The following RALGPS2 variants were observed in gnomAD, a reference collection of about 807,000 sequenced individuals.
RALGPS2 encodes Ral GEF with PH domain and SH3 binding motif 2.
A neutral mutation model predicts 86.8 loss-of-function variants in RALGPS2; 43 were observed. That is an observed-to-expected ratio of 0.50 (90% CI 0.39 to 0.64). The LOEUF (loss-of-function observed/expected upper bound fraction) is 0.64, where lower values mean the gene tolerates loss of function less well. Among genes scored for constraint, RALGPS2 ranks in the 30% least tolerant of loss-of-function variants. RALGPS2 has a pLI of 0.00. For missense variants in RALGPS2, 536 were observed against 694.6 expected (o/e 0.77, Z 2.57); for synonymous variants, 243 against 231.3 (o/e 1.05, Z -0.46).
chr1:178,792,143 G>GT (rs1653984543), intron 4 of RALGPS2, among the ~76,000 whole-genome samples: 1 of 152,070 alleles, frequency 6.6e-6, no homozygotes, highest in African/African-American at 2.4e-5. Flanking sequence ...TTATTTTCTA[G>GT]TTTTTTGTGT....
chr1:178,750,157 A>G (rs963127273), intron 1 of RALGPS2, among the ~76,000 whole-genome samples: 1 of 152,120 alleles, frequency 6.6e-6, no homozygotes, highest in African/African-American at 2.4e-5. Flanking sequence ...GAATCTATCC[A>G]TTTTTGTTCT....
intron 13 of RALGPS2, among the ~76,000 whole-genome samples, chr1:178,888,639 G>A (rs985659462): frequency 1.3e-5 from 2 of 152,092 alleles, no homozygotes; most frequent in Non-Finnish European, 2.9e-5. Context: ...CCACCACCAC[G>A]GGTTACCTCT....
At chr1:178,786,613 C>T (rs1653665046) in intron 4 of RALGPS2, among the ~76,000 whole-genome samples, 2 of 151,246 alleles carry the variant, frequency 1.3e-5, no homozygotes, top group South Asian at 4.2e-4. Flanking sequence ...TGGTACACAA[C>T]TAAGTGGTGG....
chr1:178,765,017 G>A (rs1243064703), intron 1 of RALGPS2, among the ~76,000 whole-genome samples: 1 of 152,108 alleles, frequency 6.6e-6, no homozygotes, highest in African/African-American at 2.4e-5. Context: ...CTGGCCATGT[G>A]AAGATATGCT....
At chr1:178,815,415 A>G (rs1655178415) in intron 6 of RALGPS2, among the ~76,000 whole-genome samples, 1 of 152,066 alleles carries the variant, frequency 6.6e-6, no homozygotes, top group South Asian at 2.1e-4. Flanking sequence ...GGAGTTCTTT[A>G]TATAACTCTA....
At chr1:178,741,913 G>A (rs1245253495) in intron 1 of RALGPS2, among the ~76,000 whole-genome samples, 1 of 152,064 alleles carries the variant, frequency 6.6e-6, no homozygotes, top group Non-Finnish European at 1.5e-5. Flanking sequence ...CGAGGCGGGA[G>A]GATCATGAGG....
intron 1 of RALGPS2, chr1:178,747,200 C>A (rs531748369): frequency 8.1e-7 from 1 of 1,241,702 alleles, no homozygotes; most frequent in Middle Eastern, 1.9e-4. Context: ...GCCTGCACTA[C>A]GGTGGATCAC....
intron 1 of RALGPS2, among the ~76,000 whole-genome samples, chr1:178,773,905 T>C (rs951568358): frequency 1.3e-5 from 2 of 152,248 alleles, no homozygotes; most frequent in African/African-American, 4.8e-5. Context: ...GATTTTAATG[T>C]GACCTTAATT....
chr1:178,786,667 A>C (rs954932426), intron 4 of RALGPS2, among the ~76,000 whole-genome samples: 2 of 151,652 alleles, frequency 1.3e-5, no homozygotes, highest in Admixed American at 1.3e-4. Context: ...TTAACCTCTC[A>C]TCTAGTATAT....
At chr1:178,731,324 C>G (rs572143342) in intron 1 of RALGPS2, among the ~76,000 whole-genome samples, 1 of 125,876 alleles carries the variant, frequency 7.9e-6, no homozygotes, top group African/African-American at 3.0e-5. Context: ...CCTCTGTCCC[C>G]CAGGCTGGAG....
In RALGPS2 at chr1:178,852,577, A is replaced by T. The variant is rs905680530; in HGVS notation, c.607+19027A>T. 10 of 1,284,042 alleles carry T rather than the reference A, an allele frequency of 7.8e-6. No individual in the cohort carries two copies. In the African/African-American group the frequency reaches 1.5e-4, roughly 19 times the overall value. The allele number at this position is 1,284,042 out of a possible 1,614,324, so 79.5% of individuals were successfully genotyped here. On this transcript the variant is annotated intron_variant, in intron 8 of 19. Coordinates refer to ENST00000367635, the MANE Select transcript of RALGPS2 (RefSeq NM_152663.5). The stretch of plus-strand genomic sequence containing the variant: ...GGTTGTATTTCCTGCCACAGTGACC[A>T]AAACTGACCTTTTTGAAAAGACTTT...
At chr1:178,787,420 G>A (rs4652325) in intron 4 of RALGPS2, among the ~76,000 whole-genome samples, 36,251 of 152,034 alleles carry the variant, frequency 0.24, 5,047 homozygotes, top group Non-Finnish European at 0.32. Context: ...AAATATTATC[G>A]TTTCAACTTG....
At position 178,784,412 on chromosome 1, in the gene RALGPS2, T is replaced by C; in HGVS notation, c.58-6T>C. The C allele has an allele frequency of 6.3e-7, 1 of 1,592,894 alleles. No individual in the cohort carries two copies. Among genetic ancestry groups the C allele is most frequent in the Non-Finnish European group, 8.6e-7 (1 of 1,166,404 alleles). On this transcript the variant is annotated splice_region_variant and splice_polypyrimidine_tract_variant and intron_variant, in intron 2 of 19. Coordinates refer to ENST00000367635, the MANE Select transcript of RALGPS2 (RefSeq NM_152663.5). ...TAAAAGGCTGCATTTTCTTTCACTT[T>C]AACAGAAAAGTAGCAGCTCTGAATC...
intron 7 of RALGPS2, among the ~76,000 whole-genome samples, chr1:178,826,683 G>A (rs1044882453): frequency 6.6e-6 from 1 of 152,062 alleles, no homozygotes; most frequent in Admixed American, 6.6e-5. Context: ...TGTATGTTAC[G>A]TATATATTTT....
intron 6 of RALGPS2, among the ~76,000 whole-genome samples, chr1:178,814,650 A>G (rs1258452524): frequency 6.6e-6 from 1 of 152,096 alleles, no homozygotes; most frequent in Non-Finnish European, 1.5e-5. Context: ...AGGTCTCATT[A>G]TGTTGCCCAG....
intron 4 of RALGPS2, among the ~76,000 whole-genome samples, chr1:178,796,765 A>C (rs1654210532): frequency 6.6e-6 from 1 of 152,204 alleles, no homozygotes; most frequent in African/African-American, 2.4e-5. Context: ...TAATTCTTTC[A>C]TAGGGTAGGT....
chr1:178,740,829 G>A (rs1488341818), intron 1 of RALGPS2, among the ~76,000 whole-genome samples: 12 of 152,052 alleles, frequency 7.9e-5, no homozygotes, highest in Admixed American at 7.9e-4. Context: ...TCAGACATTT[G>A]ACATTAGAAT....
intron 9 of RALGPS2, 64 bp downstream of exon 9, chr1:178,877,699 A>G (rs552061841): frequency 2.6e-5 from 40 of 1,565,462 alleles, no homozygotes; most frequent in Non-Finnish European, 3.3e-5. Flanking sequence ...TTATTTACAC[A>G]CACTGATGAT....
chr1:178,898,394 G>A (rs1376031729), intron 17 of RALGPS2, among the ~76,000 whole-genome samples: 2 of 151,904 alleles, frequency 1.3e-5, no homozygotes, highest in African/African-American at 4.8e-5. Context: ...AGCCAGTGAA[G>A]AAAAATTTAA....
Sources: allele counts gnomAD v4.1 joint callset (sites outside exome capture counted in the v4.1 genomes callset), GRCh38; gene constraint gnomAD v4.1.1; transcripts MANE v1.5; gene names NCBI Gene and HGNC (gene_info 2026-07-23, HGNC 2026-07-21).